XYLT1: variants seen among roughly 807,000 people sequenced by gnomAD.
The protein encoded by XYLT1 is xylosyltransferase 1.
A neutral mutation model predicts 91.3 loss-of-function variants in XYLT1; 36 were observed. That is an observed-to-expected ratio of 0.39 (90% CI 0.30 to 0.52). XYLT1 has a LOEUF of 0.52. XYLT1 is among the 20% of genes least tolerant of loss of function. The pLI is 0.68. For synonymous variants in XYLT1, 588 were observed against 532.0 expected (o/e 1.11, Z -1.45); for missense variants, 1,242 against 1,284.5 (o/e 0.97, Z 0.51).
intron 5 of XYLT1, among the ~76,000 whole-genome samples, chr16:17,182,287 T>G (rs1475247851): frequency 6.6e-6 from 1 of 152,092 alleles, no homozygotes; most frequent in Non-Finnish European, 1.5e-5. Context: ...GACTGGAAAG[T>G]CCAAAGTGCC....
At chr16:17,300,577 C>T (rs1029631478) in intron 2 of XYLT1, among the ~76,000 whole-genome samples, 6 of 148,676 alleles carry the variant, frequency 4.0e-5, no homozygotes, top group African/African-American at 1.5e-4. Flanking sequence ...CTGCCTTAGC[C>T]TCCCGAGTGG....
At chr16:17,232,416 TG>T (rs1404291070) in intron 3 of XYLT1, among the ~76,000 whole-genome samples, 2 of 95,660 alleles carry the variant, frequency 2.1e-5, no homozygotes, top group African/African-American at 7.0e-5. Context: ...TGTGTGTGTG[TG>T]TGTGTGTGTG....
chr16:17,379,757 T>TTTCACA (rs1555501187), intron 1 of XYLT1, among the ~76,000 whole-genome samples: 6 of 129,924 alleles, frequency 4.6e-5, no homozygotes, highest in African/African-American at 2.0e-4. Context: ...TCTCTCTCTC[T>TTTCACA]CTCTCTCACA....
At chr16:17,118,366 C>T (rs532897904) in intron 10 of XYLT1, among the ~76,000 whole-genome samples, 6 of 152,314 alleles carry the variant, frequency 3.9e-5, no homozygotes, top group South Asian at 2.1e-4. Flanking sequence ...ACAGGTACAG[C>T]GGGTTTCCAA....
intron 1 of XYLT1, among the ~76,000 whole-genome samples, chr16:17,442,803 C>T (rs183551118): frequency 1.2e-4 from 19 of 152,160 alleles, no homozygotes; most frequent in African/African-American, 2.2e-4. Context: ...AAAACAAGAT[C>T]GCCTTATTCC....
chr16:17,254,192 C>T (rs1014421642), intron 3 of XYLT1, among the ~76,000 whole-genome samples: 1 of 152,190 alleles, frequency 6.6e-6, no homozygotes, highest in Non-Finnish European at 1.5e-5. Flanking sequence ...CATTTATAAA[C>T]AGATTTTCTT....
chr16:17,226,081 A>G (rs2100657), intron 3 of XYLT1, among the ~76,000 whole-genome samples: 1 of 152,148 alleles, frequency 6.6e-6, no homozygotes, highest in Non-Finnish European at 1.5e-5. Flanking sequence ...GACGGCTTAC[A>G]CTGAGAACTA....
At chr16:17,118,026 G>A (rs556548863) in intron 10 of XYLT1, 47 bp from the exon 11 acceptor site, 1 of 1,560,478 alleles carries the variant, frequency 6.4e-7, no homozygotes, top group African/African-American at 1.4e-5. Flanking sequence ...TGAACTAGGG[G>A]GCTAGGTCTC....
chr16:17,408,106 T>A (rs192906295), intron 1 of XYLT1, among the ~76,000 whole-genome samples: 50 of 152,348 alleles, frequency 3.3e-4, no homozygotes, highest in African/African-American at 1.2e-3. Flanking sequence ...CTTTCTTTCT[T>A]TATAAACTAC....
intron 1 of XYLT1, among the ~76,000 whole-genome samples, chr16:17,361,073 T>C (rs527868083): frequency 1.3e-5 from 2 of 152,306 alleles, no homozygotes; most frequent in African/African-American, 4.8e-5. Flanking sequence ...GACTCGACAG[T>C]TCTTTACTGT....
chr16:17,118,803 CCCCTCCCCATCTTTCT>C (rs1217470742), intron 10 of XYLT1, among the ~76,000 whole-genome samples: 1 of 152,094 alleles, frequency 6.6e-6, no homozygotes, highest in Non-Finnish European at 1.5e-5. Flanking sequence ...TCTCCATGAC[CCCCTCCCCATCTTTCT>C]CCAGGATGCC....
intron 2 of XYLT1, among the ~76,000 whole-genome samples, chr16:17,290,729 C>T (rs1035507749): frequency 1.2e-4 from 18 of 152,232 alleles, no homozygotes; most frequent in South Asian, 2.1e-4. Context: ...CCAAGGCCCA[C>T]AGCTAGTGAA....
intron 3 of XYLT1, among the ~76,000 whole-genome samples, chr16:17,241,139 T>C (rs2033339082): frequency 6.6e-6 from 1 of 152,236 alleles, no homozygotes; most frequent in African/African-American, 2.4e-5. Flanking sequence ...TCTTTATTGC[T>C]CTACAAATGC....
chr16:17,149,357 G>T (rs1305019093), intron 6 of XYLT1, among the ~76,000 whole-genome samples: 1 of 151,900 alleles, frequency 6.6e-6, no homozygotes, highest in Admixed American at 6.6e-5. Context: ...ATCTTCACAA[G>T]CAGCTAATAT....
At chr16:17,446,916 C>T (rs2141946601) in intron 1 of XYLT1, among the ~76,000 whole-genome samples, 1 of 152,092 alleles carries the variant, frequency 6.6e-6, no homozygotes, top group East Asian at 1.9e-4. Flanking sequence ...CTGAACCAGA[C>T]CCAGGGGAGC....
intron 3 of XYLT1, among the ~76,000 whole-genome samples, chr16:17,236,814 G>C (rs556402869): frequency 6.6e-6 from 1 of 152,100 alleles, no homozygotes. Context: ...GGGTCTGAAC[G>C]TCCTCTTTTT....
intron 2 of XYLT1, among the ~76,000 whole-genome samples, chr16:17,332,567 T>TACACATAC (rs1233628545): frequency 2.1e-3 from 284 of 137,992 alleles, no homozygotes; most frequent in African/African-American, 5.4e-3. Flanking sequence ...ATCACACACA[T>TACACATAC]ACACACACAC....
At chr16:17,221,550 C>A (rs1485552441) in intron 3 of XYLT1, among the ~76,000 whole-genome samples, 1 of 152,148 alleles carries the variant, frequency 6.6e-6, no homozygotes, top group African/African-American at 2.4e-5. Context: ...CTTCCAAAGC[C>A]ATTACTCCAA....
At chr16:17,462,938 T>C (rs957317651) in intron 1 of XYLT1, among the ~76,000 whole-genome samples, 17 of 152,172 alleles carry the variant, frequency 1.1e-4, no homozygotes, top group Non-Finnish European at 2.5e-4. Context: ...ACCCACACTT[T>C]AATATCAACT....
Sources: gnomAD v4.1 joint callset for allele counts (sites outside exome capture counted in the v4.1 genomes callset) on GRCh38, gnomAD v4.1.1 for gene constraint, MANE v1.5 for transcripts, NCBI Gene and HGNC (gene_info 2026-07-23, HGNC 2026-07-21) for gene names.